The following SPEF2 variants were observed in gnomAD, a reference collection of about 807,000 sequenced individuals.
The protein encoded by SPEF2 is sperm flagella and cilia-associated protein 2.
SPEF2 carries 187 observed loss-of-function variants against 224.6 expected under a neutral mutation model. The observed-to-expected ratio is 0.83, with a 90% CI of 0.74 to 0.94. SPEF2 has a LOEUF of 0.94. Ranked by LOEUF, SPEF2 falls within the 40% of genes least tolerant of loss-of-function variation. The pLI, the probability that SPEF2 is intolerant of heterozygous loss-of-function variation, is 0.00. For synonymous variants in SPEF2, 715 were observed against 707.3 expected (o/e 1.01, Z -0.17); for missense variants, 2,170 against 2,135.6 (o/e 1.02, Z -0.32).
chr5:35,677,802 G>T (rs1213202055), intron 10 of SPEF2, among the ~76,000 whole-genome samples: 2 of 152,208 alleles, frequency 1.3e-5, no homozygotes, highest in African/African-American at 2.4e-5. Flanking sequence ...ATTTAAGGGA[G>T]AGGATCTCCC....
intron 21 of SPEF2, among the ~76,000 whole-genome samples, chr5:35,734,244 G>A (rs1413645729): frequency 1.3e-5 from 2 of 152,116 alleles, no homozygotes; most frequent in Non-Finnish European, 2.9e-5. Context: ...GTTTCACCAA[G>A]CCCTGCAAAC....
intron 2 of SPEF2, among the ~76,000 whole-genome samples, chr5:35,631,211 T>TTAAAACCATCAGACCTTG (rs573255973): frequency 9.5e-4 from 144 of 152,290 alleles, no homozygotes; most frequent in African/African-American, 3.4e-3. Context: ...GCTCTTGTTT[T>TTAAAACCATCAGACCTTG]TAAAACCATC....
chr5:35,731,489 GC>G (rs1403953273), intron 21 of SPEF2, among the ~76,000 whole-genome samples: 1 of 151,928 alleles, frequency 6.6e-6, no homozygotes, highest in Non-Finnish European at 1.5e-5. Context: ...GATAATTGAG[GC>G]TTCCCTCTAG....
chr5:35,742,576 A>G (rs993243651), intron 23 of SPEF2, among the ~76,000 whole-genome samples: 2 of 151,954 alleles, frequency 1.3e-5, no homozygotes, highest in Non-Finnish European at 2.9e-5. Flanking sequence ...GGGTAAAAAT[A>G]TGAATATATT....
intron 2 of SPEF2, among the ~76,000 whole-genome samples, chr5:35,629,347 C>T (rs896362790): frequency 3.3e-5 from 5 of 151,122 alleles, no homozygotes; most frequent in East Asian, 3.9e-4. Flanking sequence ...TTAGTAGAGA[C>T]GAGGTTTCAC....
intron 10 of SPEF2, chr5:35,670,439 A>C: frequency 8.4e-7 from 1 of 1,188,980 alleles, no homozygotes; most frequent in Non-Finnish European, 1.0e-6. Context: ...ATCTTAGGGG[A>C]GTGGTCTGAA....
intron 19 of SPEF2, 45 bp from the exon 20 acceptor site, chr5:35,712,767 T>C (rs776241663): frequency 1.9e-6 from 3 of 1,578,596 alleles, no homozygotes; most frequent in South Asian, 2.2e-5. Context: ...GCCCAGGCTA[T>C]TGAAGTAAAT....
At chr5:35,734,999 C>T (rs1001918110) in intron 21 of SPEF2, among the ~76,000 whole-genome samples, 1 of 152,074 alleles carries the variant, frequency 6.6e-6, no homozygotes, top group African/African-American at 2.4e-5. Context: ...CATGAGACAC[C>T]ACGCCCGGCC....
At chr5:35,799,655 C>T (rs1471244231) in intron 33 of SPEF2, among the ~76,000 whole-genome samples, 2 of 152,064 alleles carry the variant, frequency 1.3e-5, no homozygotes, top group Non-Finnish European at 2.9e-5. Flanking sequence ...ATAGATGGGT[C>T]CTTGTGCTTG....
intron 9 of SPEF2, among the ~76,000 whole-genome samples, chr5:35,669,475 AT>A (rs1750939604): frequency 6.6e-6 from 1 of 152,074 alleles, no homozygotes; most frequent in African/African-American, 2.4e-5. Flanking sequence ...TATAATTCTT[AT>A]TCAAAACTTT....
chr5:35,642,127 C>G (rs1026151310), intron 3 of SPEF2, among the ~76,000 whole-genome samples: 4 of 152,158 alleles, frequency 2.6e-5, no homozygotes, highest in Non-Finnish European at 5.9e-5. Context: ...ACTGCAGCAA[C>G]CTGCTAAAAT....
chr5:35,742,536 T>C (rs1363703110), intron 23 of SPEF2, among the ~76,000 whole-genome samples: 1 of 151,970 alleles, frequency 6.6e-6, no homozygotes, highest in African/African-American at 2.4e-5. Context: ...AAATATTAGA[T>C]TCTTTTTTGT....
intron 1 of SPEF2, 28 bp from the exon 2 acceptor site, chr5:35,628,432 G>T: frequency 6.8e-7 from 1 of 1,469,676 alleles, no homozygotes; most frequent in Non-Finnish European, 9.5e-7. Flanking sequence ...TGTATTCATG[G>T]TTTTTATCTC....
intron 24 of SPEF2, among the ~76,000 whole-genome samples, chr5:35,755,758 C>T (rs1434766727): frequency 6.6e-6 from 1 of 152,032 alleles, no homozygotes; most frequent in Non-Finnish European, 1.5e-5. Context: ...TACAGGCGCC[C>T]ACCACCACGC....
At chr5:35,812,664 T>A (rs1280558705) in intron 36 of SPEF2, among the ~76,000 whole-genome samples, 1 of 152,180 alleles carries the variant, frequency 6.6e-6, no homozygotes, top group East Asian at 1.9e-4. Flanking sequence ...AACAAATATG[T>A]AAATCAAGCA....
Position 35,771,160 on chromosome 5 carries a change from T to TA in SPEF2, c.3802-439dup, listed in dbSNP as rs199671316. Among the ~76,000 whole-genome samples the TA allele has an allele frequency of 9.7e-3, 1,406 of 145,164 alleles. 23 individuals are homozygous for TA. Among genetic ancestry groups the TA allele is most frequent in the African/African-American group, 0.031 (1,243 of 39,914 alleles). On this transcript the variant is annotated intron_variant, in intron 26 of 36. Coordinates refer to ENST00000356031, the MANE Select transcript of SPEF2 (RefSeq NM_024867.4). ...AATTTTATGAATGCAAATAAAAAAATAAAAAAAAAACTCTGTAGGGGATCA... is the reference window on the plus strand; with the variant it reads ...AATTTTATGAATGCAAATAAAAAAATAAAAAAAAAAACTCTGTAGGGGATCA...
At chr5:35,790,370 G>A (rs1755786103) in intron 30 of SPEF2, 1 of 519,992 alleles carries the variant, frequency 1.9e-6, no homozygotes, top group Non-Finnish European at 3.4e-6. Flanking sequence ...AAAGTGATTA[G>A]CAATATGCAA....
At chr5:35,631,442 A>G (rs867902146) in intron 2 of SPEF2, among the ~76,000 whole-genome samples, 50 of 152,322 alleles carry the variant, frequency 3.3e-4, no homozygotes, top group African/African-American at 1.2e-3. Flanking sequence ...TAGGATGGCT[A>G]TAGGCAGAGA....
chr5:35,693,408 C>T (rs1754812593), intron 12 of SPEF2, among the ~76,000 whole-genome samples: 1 of 152,072 alleles, frequency 6.6e-6, no homozygotes, highest in Admixed American at 6.5e-5. Context: ...TATGCTGACA[C>T]CTGATCTATA....
Sources: allele counts gnomAD v4.1 joint callset (sites outside exome capture counted in the v4.1 genomes callset), GRCh38; gene constraint gnomAD v4.1.1; transcripts MANE v1.5; gene names NCBI Gene and HGNC (gene_info 2026-07-23, HGNC 2026-07-21).